Variants in APP observed in about 807,000 individuals in gnomAD.
APP encodes amyloid-beta precursor protein.
In APP, 31 loss-of-function variants were observed where a neutral mutation model predicts 101.4. That is an observed-to-expected ratio of 0.31 (90% CI 0.23 to 0.41). APP has a LOEUF of 0.41. APP is among the 10% of genes least tolerant of loss of function. APP has a pLI of 1.00. For missense variants in APP, 839 were observed against 1,003.7 expected, an observed-to-expected ratio of 0.84 and a Z score of 2.22; for synonymous variants, 366 against 364.4, an observed-to-expected ratio of 1.00 and a Z score of -0.05.
intron 1 of APP, among the ~76,000 whole-genome samples, chr21:26,129,509 A>T (rs898814792): frequency 1.3e-5 from 2 of 152,126 alleles, no homozygotes; most frequent in Non-Finnish European, 2.9e-5. Context: ...CTTTTAAACT[A>T]TACAGGTGAA....
chr21:26,166,968 G>A (rs1006196608), intron 1 of APP, among the ~76,000 whole-genome samples: 2 of 152,044 alleles, frequency 1.3e-5, no homozygotes, highest in African/African-American at 4.8e-5. Context: ...CTGTCTGTCT[G>A]GTAGAGGCAG....
At chr21:26,078,173 T>A (rs2061532678) in intron 3 of APP, among the ~76,000 whole-genome samples, 1 of 152,208 alleles carries the variant, frequency 6.6e-6, no homozygotes, top group African/African-American at 2.4e-5. Flanking sequence ...AATAACTTTT[T>A]AAAAATATAA....
Position 26,006,004 on chromosome 21 carries a change from C to A in APP, c.866-5822G>T, listed in dbSNP as rs116808267. ...ATTTAAGAAAAAACAAAAAACTCTT[C>A]ATCTGCCTTCTTTGTTCTCTTCTCA... On this transcript the variant is annotated intron_variant, in intron 6 of 17. Transcript: ENST00000346798. Among the ~76,000 whole-genome samples the A allele has an allele frequency of 3.4e-3, 520 of 152,274 alleles. 4 individuals carry two copies. The highest frequency in any genetic ancestry group is 0.011 in the African/African-American group (475 of 41,578).
intron 6 of APP, among the ~76,000 whole-genome samples, chr21:26,002,454 T>C (rs1286550246): frequency 9.4e-5 from 2 of 21,360 alleles, no homozygotes; most frequent in Non-Finnish European, 2.1e-4. Context: ...AACAAACATC[T>C]ACAGCTTCAC....
intron 1 of APP, among the ~76,000 whole-genome samples, chr21:26,148,453 T>C (rs1042164970): frequency 2.0e-5 from 3 of 152,170 alleles, no homozygotes; most frequent in African/African-American, 4.8e-5. Flanking sequence ...GAAGGTCAGA[T>C]GGGGAGGGAC....
At chr21:26,153,030 A>G (rs529796604) in intron 1 of APP, among the ~76,000 whole-genome samples, 41 of 152,356 alleles carry the variant, frequency 2.7e-4, no homozygotes, top group African/African-American at 9.1e-4. Context: ...TTCTAAGTAA[A>G]GTAATTCAGG....
At chr21:25,910,483 A>G (rs1473002564) in intron 14 of APP, among the ~76,000 whole-genome samples, 1 of 152,142 alleles carries the variant, frequency 6.6e-6, no homozygotes, top group Non-Finnish European at 1.5e-5. Context: ...GCTTTGATAA[A>G]GAAAATCAGG....
chr21:25,983,446 T>C (rs1055515514), intron 8 of APP, among the ~76,000 whole-genome samples: 1 of 152,204 alleles, frequency 6.6e-6, no homozygotes, highest in Non-Finnish European at 1.5e-5. Context: ...ACCTGTGTAT[T>C]ACATTTGGGA....
intron 6 of APP, among the ~76,000 whole-genome samples, chr21:26,013,394 G>A (rs994818518): frequency 7.9e-5 from 12 of 151,718 alleles, no homozygotes; most frequent in Non-Finnish European, 1.3e-4. Flanking sequence ...CTGAGTTGCT[G>A]GATTTCTTCT....
intron 1 of APP, among the ~76,000 whole-genome samples, chr21:26,114,871 C>T (rs868044247): frequency 2.0e-5 from 3 of 151,844 alleles, no homozygotes; most frequent in Admixed American, 1.3e-4. Context: ...TTTATTATGA[C>T]CCTATAATTG....
chr21:25,984,991 G>C (rs1241428678), intron 8 of APP, among the ~76,000 whole-genome samples: 1 of 152,116 alleles, frequency 6.6e-6, no homozygotes, highest in Non-Finnish European at 1.5e-5. Context: ...AATTTTTTCA[G>C]CTCCTATGGT....
intron 15 of APP, among the ~76,000 whole-genome samples, chr21:25,900,987 C>CAAAAAAAAAAAAAA (rs71183520): frequency 2.4e-4 from 28 of 118,574 alleles, no homozygotes; most frequent in African/African-American, 1.3e-3. Context: ...GACTCCATCT[C>CAAAAAAAAAAAAAA]AAAAAAAAAA....
intron 15 of APP, chr21:25,897,939 G>T: frequency 2.1e-6 from 1 of 479,594 alleles, no homozygotes; most frequent in East Asian, 4.0e-5. Context: ...TTTGAAAATG[G>T]GGGAAAAGCA....
intron 16 of APP, 77 bp from the exon 17 acceptor site, chr21:25,891,945 A>T: frequency 6.9e-7 from 1 of 1,444,416 alleles, no homozygotes; most frequent in Non-Finnish European, 9.5e-7. Flanking sequence ...CAATTAGAAG[A>T]ATTTCATTTC....
At chr21:26,154,393 C>T (rs963627546) in intron 1 of APP, among the ~76,000 whole-genome samples, 1 of 152,166 alleles carries the variant, frequency 6.6e-6, no homozygotes, top group African/African-American at 2.4e-5. Flanking sequence ...AAAGGTCCCC[C>T]CATTCCTATT....
At chr21:25,965,135 T>A (rs2041742976) in intron 11 of APP, among the ~76,000 whole-genome samples, 1 of 152,184 alleles carries the variant, frequency 6.6e-6, no homozygotes, top group Admixed American at 6.5e-5. Flanking sequence ...GGACAGAAAA[T>A]GTTTGGACTT....
chr21:25,935,972 G>C (rs535932953), intron 13 of APP, among the ~76,000 whole-genome samples: 1 of 151,874 alleles, frequency 6.6e-6, no homozygotes, highest in Non-Finnish European at 1.5e-5. Context: ...TCGTTTTAAT[G>C]CCTTAGGTGC....
intron 1 of APP, among the ~76,000 whole-genome samples, chr21:26,163,653 C>G (rs1294817075): frequency 6.6e-6 from 1 of 152,132 alleles, no homozygotes; most frequent in African/African-American, 2.4e-5. Flanking sequence ...TTCTTGTCTT[C>G]TTGTCTTTAG....
chr21:26,021,768 G>T, intron 6 of APP, 72 bp downstream of exon 6: 2 of 1,582,442 alleles, frequency 1.3e-6, no homozygotes, highest in Non-Finnish European at 1.7e-6. Flanking sequence ...TGCTAGGGTG[G>T]ATATTTCCAA....
Sources: gnomAD v4.1 joint callset for allele counts (sites outside exome capture counted in the v4.1 genomes callset) on GRCh38, gnomAD v4.1.1 for gene constraint, MANE v1.5 for transcripts, NCBI Gene and HGNC (gene_info 2026-07-23, HGNC 2026-07-21) for gene names.